The following NCAM2 variants were observed in gnomAD, a reference collection of about 807,000 sequenced individuals.
NCAM2 encodes N-CAM-2.
In NCAM2, 30 loss-of-function variants were observed where a neutral mutation model predicts 98.1. The observed-to-expected ratio is 0.31, with a 90% CI of 0.23 to 0.41. The LOEUF is 0.41. Among genes scored for constraint, NCAM2 ranks in the 10% least tolerant of loss-of-function variants. NCAM2 has a pLI of 1.00. For synonymous variants in NCAM2, 368 were observed against 342.4 expected (o/e 1.07, Z -0.83); for missense variants, 867 against 1,005.8 (o/e 0.86, Z 1.87).
chr21:21,541,116 T>G lies in NCAM2; in HGVS notation c.*3159T>G, dbSNP rs1990214098. The G allele has an allele frequency of 6.7e-6, 1 of 149,276 alleles. No individual in the cohort carries two copies. Among genetic ancestry groups the G allele is most frequent in the Non-Finnish European group, 1.5e-5 (1 of 66,504 alleles). 9.2% of individuals were successfully genotyped at this position (149,276 alleles called of 1,614,324 possible). A position where few individuals can be genotyped will look rare whatever the true frequency, so the allele number is the denominator to read the frequency against. On this transcript the variant is annotated 3_prime_UTR_variant, in exon 18 of 18. Coordinates refer to ENST00000400546, the MANE Select transcript of NCAM2 (RefSeq NM_004540.5). ...TAAATATTTATATAAATAGATTTTA[T>G]TAATCAAATTATTTATTTGTGTGCC... is the stretch of plus-strand genomic sequence containing the variant.
intron 11 of NCAM2, among the ~76,000 whole-genome samples, chr21:21,429,993 C>T (rs2077295811): frequency 6.6e-6 from 1 of 151,944 alleles, no homozygotes; most frequent in Admixed American, 6.6e-5. Context: ...AAAAAGAGTA[C>T]ATTTGACTTT....
At chr21:21,103,731 A>G (rs1164998300) in intron 1 of NCAM2, among the ~76,000 whole-genome samples, 2 of 152,124 alleles carry the variant, frequency 1.3e-5, no homozygotes, top group Non-Finnish European at 2.9e-5. Context: ...TTACACTATC[A>G]TGCTACTATG....
chr21:21,531,884 T>C (rs1004429035), intron 16 of NCAM2, among the ~76,000 whole-genome samples: 41 of 149,576 alleles, frequency 2.7e-4, no homozygotes, highest in South Asian at 4.2e-4. Context: ...TCCCAGCTAC[T>C]TGAGAGGCTG....
intron 11 of NCAM2, among the ~76,000 whole-genome samples, chr21:21,425,297 T>C (rs2077193326): frequency 6.6e-6 from 1 of 152,020 alleles, no homozygotes; most frequent in African/African-American, 2.4e-5. Flanking sequence ...TTTCCAAATT[T>C]CTCCAAATAT....
At chr21:21,085,906 C>T (rs2065897462) in intron 1 of NCAM2, among the ~76,000 whole-genome samples, 1 of 152,080 alleles carries the variant, frequency 6.6e-6, no homozygotes, top group African/African-American at 2.4e-5. Context: ...TTTTAAGTTT[C>T]TTATTGTATA....
At chr21:21,418,710 C>G (rs2077044116) in intron 11 of NCAM2, 141 bp downstream of exon 11, 1 of 700,940 alleles carries the variant, frequency 1.4e-6, no homozygotes, top group African/African-American at 1.8e-5. Flanking sequence ...ACTGTGGTTA[C>G]CAGAGGCTTG....
chr21:21,180,774 C>A (rs965597817), intron 1 of NCAM2, among the ~76,000 whole-genome samples: 2 of 152,072 alleles, frequency 1.3e-5, no homozygotes, highest in African/African-American at 2.4e-5. Flanking sequence ...TAAAATGAAG[C>A]AAGCCATCAT....
chr21:21,443,370 C>T (rs964175857), intron 12 of NCAM2, among the ~76,000 whole-genome samples: 1 of 152,076 alleles, frequency 6.6e-6, no homozygotes, highest in African/African-American at 2.4e-5. Context: ...CACATGTATA[C>T]CTATGTAACA....
chr21:21,369,862 T>C (rs1461695147), intron 8 of NCAM2, among the ~76,000 whole-genome samples: 1 of 151,834 alleles, frequency 6.6e-6, no homozygotes, highest in African/African-American at 2.4e-5. Flanking sequence ...AACACAGCTT[T>C]TTTTTTCCTC....
chr21:21,259,934 A>G (rs1444992451), intron 1 of NCAM2, among the ~76,000 whole-genome samples: 5 of 62,204 alleles, frequency 8.0e-5, no homozygotes, highest in Non-Finnish European at 1.7e-4. Flanking sequence ...ACACACACAC[A>G]CACACACACA....
At chr21:21,109,472 G>T (rs1413908468) in intron 1 of NCAM2, among the ~76,000 whole-genome samples, 1 of 152,056 alleles carries the variant, frequency 6.6e-6, no homozygotes, top group Non-Finnish European at 1.5e-5. Flanking sequence ...TTTGCTTCAT[G>T]TGGCAAATTG....
At chr21:21,302,378 T>C (rs1295229513) in intron 5 of NCAM2, among the ~76,000 whole-genome samples, 1 of 152,096 alleles carries the variant, frequency 6.6e-6, no homozygotes. Flanking sequence ...AGGGAGTTCT[T>C]TCCCCAGTGC....
At chr21:21,361,002 T>G (rs569808553) in intron 8 of NCAM2, among the ~76,000 whole-genome samples, 6 of 152,162 alleles carry the variant, frequency 3.9e-5, no homozygotes, top group Non-Finnish European at 7.4e-5. Flanking sequence ...CTTCCTCTTT[T>G]ACTAATTAGT....
chr21:21,232,997 C>T (rs1234655016), intron 1 of NCAM2, among the ~76,000 whole-genome samples: 1 of 151,474 alleles, frequency 6.6e-6, no homozygotes, highest in Non-Finnish European at 1.5e-5. Context: ...AACTTAGTTG[C>T]TTTTCCTGAA....
chr21:21,505,811 A>G (rs79931778), intron 15 of NCAM2, among the ~76,000 whole-genome samples: 1,588 of 152,134 alleles, frequency 0.01, 34 homozygotes, highest in African/African-American at 0.036. Context: ...TTTACTTTGT[A>G]CTGGGCAATA....
intron 1 of NCAM2, among the ~76,000 whole-genome samples, chr21:21,022,862 C>T (rs1179161550): frequency 6.6e-6 from 1 of 151,486 alleles, no homozygotes; most frequent in Non-Finnish European, 1.5e-5. Flanking sequence ...GTAGATCTTA[C>T]AATAATTAAA....
At chr21:21,210,791 T>A in intron 1 of NCAM2, 1 of 439,558 alleles carries the variant, frequency 2.3e-6, no homozygotes, top group Non-Finnish European at 3.6e-6. Context: ...AGAACTCCCC[T>A]AGAGGGAGAA....
At chr21:21,371,767 G>T (rs534148021) in intron 8 of NCAM2, among the ~76,000 whole-genome samples, 1 of 151,666 alleles carries the variant, frequency 6.6e-6, no homozygotes, top group Non-Finnish European at 1.5e-5. Flanking sequence ...TATCTATCTT[G>T]TTTGTTTAAC....
intron 1 of NCAM2, among the ~76,000 whole-genome samples, chr21:21,214,764 A>G (rs1224743607): frequency 1.9e-5 from 2 of 108,052 alleles, no homozygotes; most frequent in Non-Finnish European, 4.1e-5. Context: ...ATATACACAT[A>G]TATGTAATAT....
Sources: gnomAD v4.1 joint callset for allele counts (sites outside exome capture counted in the v4.1 genomes callset) on GRCh38, gnomAD v4.1.1 for gene constraint, MANE v1.5 for transcripts, NCBI Gene and HGNC (gene_info 2026-07-23, HGNC 2026-07-21) for gene names.